The following APBB2 variants were observed in gnomAD, a reference collection of about 807,000 sequenced individuals.
The protein encoded by APBB2 is Fe65-like 1.
APBB2 carries 38 observed loss-of-function variants against 82.5 expected under a neutral mutation model. The ratio of observed to expected loss-of-function variants is 0.46; its 90% CI spans 0.36 to 0.60. The LOEUF (loss-of-function observed/expected upper bound fraction) is 0.60, where lower values mean the gene tolerates loss of function less well. Ranked by LOEUF, APBB2 falls within the 20% of genes least tolerant of loss-of-function variation. APBB2 has a pLI of 0.00. For synonymous variants in APBB2, 341 were observed against 368.2 expected, an observed-to-expected ratio of 0.93 and a Z score of 0.85; for missense variants, 772 against 972.3, an observed-to-expected ratio of 0.79 and a Z score of 2.74.
At chr4:40,926,355 GAGA>G (rs1459797347) in intron 10 of APBB2, among the ~76,000 whole-genome samples, 2 of 152,198 alleles carry the variant, frequency 1.3e-5, no homozygotes, top group African/African-American at 4.8e-5. Flanking sequence ...GGATGAGGGT[GAGA>G]AGGAGTCTGT....
At chr4:40,941,486 A>G (rs1786906372) in intron 7 of APBB2, among the ~76,000 whole-genome samples, 1 of 152,220 alleles carries the variant, frequency 6.6e-6, no homozygotes, top group Non-Finnish European at 1.5e-5. Flanking sequence ...AGGGGCCAGG[A>G]GACCTGAACT....
At chr4:41,160,930 C>T (rs1034022019) in intron 1 of APBB2, among the ~76,000 whole-genome samples, 5 of 152,090 alleles carry the variant, frequency 3.3e-5, no homozygotes, top group African/African-American at 1.2e-4. Flanking sequence ...TATGACGACC[C>T]TCTAAGGAAG....
chr4:41,186,802 C>T (rs1773025533), intron 1 of APBB2, among the ~76,000 whole-genome samples: 1 of 152,144 alleles, frequency 6.6e-6, no homozygotes, highest in Non-Finnish European at 1.5e-5. Flanking sequence ...CACAGCAACC[C>T]TATCAGGTAG....
intron 10 of APBB2, among the ~76,000 whole-genome samples, chr4:40,899,554 G>A (rs1388631702): frequency 6.6e-6 from 1 of 152,200 alleles, no homozygotes; most frequent in Non-Finnish European, 1.5e-5. Context: ...ATCAGTGGAT[G>A]CTCAGCCTCC....
intron 6 of APBB2, among the ~76,000 whole-genome samples, chr4:40,953,140 C>CA (rs1193605747): frequency 1.3e-5 from 2 of 150,974 alleles, no homozygotes; most frequent in Admixed American, 6.6e-5. Flanking sequence ...ACTAAAAATA[C>CA]AAAAAAAATT....
At chr4:41,155,656 C>T (rs1405094374) in intron 1 of APBB2, among the ~76,000 whole-genome samples, 2 of 152,202 alleles carry the variant, frequency 1.3e-5, no homozygotes, top group Admixed American at 6.5e-5. Flanking sequence ...TGGTGCTACC[C>T]GTCAAGCATG....
At chr4:40,977,053 T>C (rs894518382) in intron 6 of APBB2, among the ~76,000 whole-genome samples, 5 of 150,520 alleles carry the variant, frequency 3.3e-5, no homozygotes, top group Admixed American at 3.3e-4. Flanking sequence ...CAAAAAAAAA[T>C]AGATTTTCAT....
intron 12 of APBB2, among the ~76,000 whole-genome samples, chr4:40,883,381 GT>G (rs1443120793): frequency 6.6e-6 from 1 of 152,112 alleles, no homozygotes; most frequent in East Asian, 1.9e-4. Flanking sequence ...GATGTCAGCA[GT>G]TCAAGACCAG....
intron 10 of APBB2, among the ~76,000 whole-genome samples, chr4:40,933,522 T>C (rs1016895066): frequency 6.6e-6 from 1 of 152,098 alleles, no homozygotes; most frequent in Non-Finnish European, 1.5e-5. Flanking sequence ...CACAGCAGTG[T>C]TGCCAGCCCA....
At chr4:41,153,238 A>C (rs180890020) in intron 1 of APBB2, among the ~76,000 whole-genome samples, 1 of 152,166 alleles carries the variant, frequency 6.6e-6, no homozygotes, top group Non-Finnish European at 1.5e-5. Flanking sequence ...GAAGTGAGAG[A>C]TTTTGGAGAG....
At chr4:41,017,111 G>A (rs552895541) in intron 5 of APBB2, among the ~76,000 whole-genome samples, 2 of 152,090 alleles carry the variant, frequency 1.3e-5, no homozygotes, top group East Asian at 3.9e-4. Flanking sequence ...TGCCCAGGTT[G>A]GTCTCAAATT....
At chr4:40,958,408 GA>G (rs1333943566) in intron 6 of APBB2, among the ~76,000 whole-genome samples, 1 of 152,068 alleles carries the variant, frequency 6.6e-6, no homozygotes, top group Non-Finnish European at 1.5e-5. Flanking sequence ...TCTGAGTGAA[GA>G]TTTGTATTTT....
At chr4:40,828,816 C>T (rs980736564) in intron 13 of APBB2, among the ~76,000 whole-genome samples, 3 of 152,206 alleles carry the variant, frequency 2.0e-5, no homozygotes, top group African/African-American at 7.2e-5. Flanking sequence ...ACGTCCCCAT[C>T]GTGGGATTCA....
chr4:41,010,281 T>C (rs1281872929), intron 6 of APBB2, among the ~76,000 whole-genome samples: 1 of 152,236 alleles, frequency 6.6e-6, no homozygotes, highest in Non-Finnish European at 1.5e-5. Flanking sequence ...TTTTCGAGCA[T>C]ATTTGATTTG....
chr4:40,940,115 G>A (rs899051829), intron 7 of APBB2, among the ~76,000 whole-genome samples: 8 of 152,124 alleles, frequency 5.3e-5, no homozygotes, highest in African/African-American at 9.7e-5. Flanking sequence ...AACAGGTCCC[G>A]GCCACCAAGG....
rs573674983 is a variant in APBB2, at chr4:40,908,836, G to A, written c.1255-15425C>T. Among the ~76,000 whole-genome samples, 3 of 152,298 alleles carry A rather than the reference G, an allele frequency of 2.0e-5. No homozygotes were observed. In the South Asian group the frequency reaches 6.2e-4, roughly 32 times the overall value. ...GAACCAAAAGCCCTGAGGTAGTGTG[G>A]GTGCCCTTGTGCAAACTGTCCACTA... On this transcript the variant is annotated intron_variant, in intron 10 of 17. Transcript: ENST00000508593.
intron 10 of APBB2, among the ~76,000 whole-genome samples, chr4:40,906,464 CAAAA>C (rs5857755): frequency 4.9e-4 from 33 of 67,992 alleles, no homozygotes; most frequent in African/African-American, 1.6e-3. Flanking sequence ...AAACCTGTCT[CAAAA>C]AAAAAAAAAA....
intron 10 of APBB2, among the ~76,000 whole-genome samples, chr4:40,913,144 C>T (rs1437700088): frequency 3.3e-5 from 5 of 152,236 alleles, no homozygotes; most frequent in Admixed American, 6.5e-5. Flanking sequence ...CTAGGGGAAA[C>T]GCTGATCCTA....
chr4:40,932,512 T>C (rs1784438082), intron 10 of APBB2, among the ~76,000 whole-genome samples: 1 of 152,208 alleles, frequency 6.6e-6, no homozygotes, highest in Non-Finnish European at 1.5e-5. Flanking sequence ...TTTGAACCTG[T>C]ATGGTGTTCC....
Sources: gnomAD v4.1 joint callset for allele counts (sites outside exome capture counted in the v4.1 genomes callset) on GRCh38, gnomAD v4.1.1 for gene constraint, MANE v1.5 for transcripts, NCBI Gene and HGNC (gene_info 2026-07-23, HGNC 2026-07-21) for gene names.